PLCE1: variants seen among roughly 807,000 people sequenced by gnomAD.
PLCE1 encodes 1-phosphatidylinositol 4,5-bisphosphate phosphodiesterase epsilon-1.
In PLCE1, 119 loss-of-function variants were observed where a neutral mutation model predicts 242.8. The observed-to-expected ratio is 0.49, with a 90% CI of 0.42 to 0.57. The LOEUF is 0.57. PLCE1 is among the 20% of genes least tolerant of loss of function. PLCE1 has a pLI of 0.00. For synonymous variants in PLCE1, 945 were observed against 1,017.4 expected, an observed-to-expected ratio of 0.93 and a Z score of 1.35; for missense variants, 2,441 against 2,788.8, an observed-to-expected ratio of 0.88 and a Z score of 2.81.
chr10:94,163,013 C>G (rs1321993704), intron 3 of PLCE1, among the ~76,000 whole-genome samples: 2 of 152,278 alleles, frequency 1.3e-5, no homozygotes, highest in African/African-American at 4.8e-5. Flanking sequence ...GCACCGTGGT[C>G]TGAGAGACAG....
chr10:94,025,938 T>A (rs1344087104), intron 1 of PLCE1, among the ~76,000 whole-genome samples: 1 of 152,252 alleles, frequency 6.6e-6, no homozygotes, highest in Non-Finnish European at 1.5e-5. Flanking sequence ...GTAGACCATA[T>A]GGTATTTGTT....
intron 2 of PLCE1, among the ~76,000 whole-genome samples, chr10:94,101,991 C>T (rs1326723854): frequency 3.9e-5 from 6 of 152,160 alleles, no homozygotes; most frequent in Non-Finnish European, 7.4e-5. Context: ...ATGGGCAGGT[C>T]TCTGCTCAGC....
chr10:94,171,997 C>G (rs2047997793), intron 4 of PLCE1, among the ~76,000 whole-genome samples: 1 of 152,192 alleles, frequency 6.6e-6, no homozygotes, highest in African/African-American at 2.4e-5. Context: ...AGTGAATCAC[C>G]TCGGTTCTCT....
At chr10:94,100,544 A>T (rs1257837150) in intron 2 of PLCE1, 1 of 152,074 alleles carries the variant, frequency 6.6e-6, no homozygotes, top group African/African-American at 2.4e-5. Flanking sequence ...AATTTAGAGG[A>T]GGGATATTTG....
In PLCE1 at chr10:94,298,389, A is replaced by G. The variant is rs2052916437; in HGVS notation, c.5178A>G (p.Glu1726=). ...FNKTSGKSSC[E]GIRQTWEESS... ...TCTTGGGGGGTTTAGGTTCCTGTGA[A>G]GGCATTCGACAGACCTGGGAGGAAT... The change falls in exon 24 of 33, where the codon GAA becomes GAG. Residue 1726 remains glutamate (E), a synonymous_variant. Coordinates refer to ENST00000371380, the MANE Select transcript of PLCE1 (RefSeq NM_016341.4). The surrounding 1 kb of genome is among the most constrained non-coding windows in gnomAD (Gnocchi z 5.2). 6.2e-7 allele frequency: 1 copy of G among 1,613,998 alleles called. No homozygotes were observed. Among genetic ancestry groups the G allele is most frequent in the African/African-American group, 1.3e-5 (1 of 74,922 alleles).
At position 94,178,408 on chromosome 10, in the gene PLCE1, C is replaced by A. The variant is rs192221300; in HGVS notation, c.1809+6912C>A. On this transcript the variant is annotated intron_variant, in intron 4 of 32. Transcript: ENST00000371380. ...CTCCATGTGGCTCTGCCCTGGGTGT[C>A]TTTTCCCCTCCCCAATTCTGTGTGG... Among the ~76,000 whole-genome samples the A allele has an allele frequency of 2.0e-3, 309 of 152,240 alleles. 1 individual carries two copies. The highest frequency in any genetic ancestry group is 4.6e-3 in the Admixed American group (70 of 15,290).
chr10:94,270,732 C>T, intron 18 of PLCE1, 130 bp downstream of exon 18: 1 of 741,798 alleles, frequency 1.3e-6, no homozygotes, highest in South Asian at 1.4e-5. Context: ...TGCAGTGGTG[C>T]AGTCTTGGCT....
At chr10:94,186,196 A>G (rs1470205453) in intron 4 of PLCE1, among the ~76,000 whole-genome samples, 1 of 152,214 alleles carries the variant, frequency 6.6e-6, no homozygotes, top group Non-Finnish European at 1.5e-5. Flanking sequence ...GGGCTTCCTC[A>G]TCTGTTCTGA....
chr10:94,176,832 TGA>T (rs2048141108), intron 4 of PLCE1, among the ~76,000 whole-genome samples: 1 of 152,056 alleles, frequency 6.6e-6, no homozygotes, highest in Non-Finnish European at 1.5e-5. Flanking sequence ...GTAAGTGCAG[TGA>T]GAGTGGCACC....
chr10:94,032,106 G>T lies in PLCE1; in HGVS notation c.1060G>T (p.Gly354Cys), dbSNP rs2061569453. Residue 354 changes from glycine (G) to cysteine (C), a missense_variant, in exon 2 of 33, where the codon GGC becomes TGC. Coordinates refer to ENST00000371380, the MANE Select transcript of PLCE1 (RefSeq NM_016341.4). ...TRAIVRTLPS[G>C]HIGLTAWSYI... The stretch of plus-strand genomic sequence containing the variant: ...AGCAATTGTGAGAACTCTGCCTTCT[G>T]GCCACATTGGGCTGACTGCATGGAG... The T allele has an allele frequency of 6.2e-7, 1 of 1,610,504 alleles. No individual in the cohort carries two copies.
At chr10:94,002,541 CA>C (rs1268612554) in intron 1 of PLCE1, among the ~76,000 whole-genome samples, 3 of 152,058 alleles carry the variant, frequency 2.0e-5, no homozygotes, top group African/African-American at 7.2e-5. Context: ...ATCTTTAATC[CA>C]AAAATAATTT....
At chr10:94,223,563 G>C (rs1221709494) in intron 4 of PLCE1, among the ~76,000 whole-genome samples, 1 of 152,124 alleles carries the variant, frequency 6.6e-6, no homozygotes, top group Admixed American at 6.6e-5. Context: ...ATTTGGCTAA[G>C]CCCAAGAGTA....
chr10:94,048,567 G>A (rs1057037697), intron 2 of PLCE1, among the ~76,000 whole-genome samples: 3 of 151,262 alleles, frequency 2.0e-5, no homozygotes, highest in East Asian at 3.9e-4. Context: ...TTAATTGGCC[G>A]TGTAGTTTTT....
At chr10:94,153,109 G>A (rs1442878119) in intron 3 of PLCE1, among the ~76,000 whole-genome samples, 2 of 152,124 alleles carry the variant, frequency 1.3e-5, no homozygotes, top group African/African-American at 4.8e-5. Context: ...CAGTCACATT[G>A]CAGTTTACCA....
chr10:94,323,738 G>A (rs563028063), intron 30 of PLCE1, among the ~76,000 whole-genome samples: 1 of 152,298 alleles, frequency 6.6e-6, no homozygotes, highest in East Asian at 1.9e-4. Context: ...GAATTCCAAA[G>A]GGCCCAGACT....
Position 94,265,909 on chromosome 10 carries a change from T to G in PLCE1, c.4232T>G (p.Leu1411Arg), listed in dbSNP as rs769314870. The change falls in exon 16 of 33, where the codon CTC becomes CGC. Residue 1411 changes from leucine to arginine, a missense_variant. Coordinates refer to ENST00000371380, the MANE Select transcript of PLCE1 (RefSeq NM_016341.4). ...YYIESSHNTY[L>R]TGHQLKGESS... ...ATCGAATCTTCGCACAATACCTACC[T>G]CACGGGCCATCAGCTCAAAGGAGAA... 3 of 1,613,994 alleles carry G rather than the reference T, an allele frequency of 1.9e-6. No homozygotes were observed. In the South Asian group the frequency reaches 3.3e-5, roughly 18 times the overall value.
At chr10:94,262,001 CTT>C (rs72217756) in intron 13 of PLCE1, among the ~76,000 whole-genome samples, 18 of 135,198 alleles carry the variant, frequency 1.3e-4, no homozygotes, top group Non-Finnish European at 1.7e-4. Flanking sequence ...TCTTCTTTTC[CTT>C]TTTTTTTTTT....
rs372483607 is a variant in PLCE1, at chr10:94,285,002, T to C, written c.5035+37T>C. 8.6e-5 allele frequency: 98 copies of C among 1,143,434 alleles called. No homozygotes were observed. In the African/African-American group the frequency reaches 1.5e-3, roughly 17 times the overall value. 70.8% of individuals were successfully genotyped at this position (1,143,434 alleles called of 1,614,324 possible). A position where few individuals can be genotyped will look rare whatever the true frequency, so the allele number is the denominator to read the frequency against. On this transcript the variant is annotated intron_variant, in intron 22 of 32. Transcript: ENST00000371380. Reference sequence around the variant, plus strand: ...CAATATCATCTATAACTTTTAAAGATATCAAAGGTTAAAAATATGCCATTT... The same window carrying C: ...CAATATCATCTATAACTTTTAAAGACATCAAAGGTTAAAAATATGCCATTT...
At chr10:94,220,724 G>A (rs1231855030) in intron 4 of PLCE1, among the ~76,000 whole-genome samples, 2 of 152,098 alleles carry the variant, frequency 1.3e-5, no homozygotes, top group Non-Finnish European at 2.9e-5. Flanking sequence ...TGCACACTAA[G>A]CATCATGCTG....
Sources: gnomAD v4.1 joint callset for allele counts (sites outside exome capture counted in the v4.1 genomes callset) on GRCh38, gnomAD v4.1.1 for gene constraint, Gnocchi (gnomAD v3.1) non-coding constraint, MANE v1.5 for transcripts, NCBI Gene and HGNC (gene_info 2026-07-23, HGNC 2026-07-21) for gene names.